RGS17: variants seen among roughly 807,000 people sequenced by gnomAD.
RGS17 encodes regulator of G protein signaling 17, also known as regulator of G-protein signaling 17.
RGS17 carries 12 observed loss-of-function variants against 25.5 expected under a neutral mutation model. The observed-to-expected ratio is 0.47, with a 90% confidence interval of 0.30 to 0.76. The LOEUF (loss-of-function observed/expected upper bound fraction) is 0.76. RGS17 is among the 30% of genes least tolerant of loss of function. The pLI is 0.07. For synonymous variants in RGS17, 71 were observed against 76.9 expected (o/e 0.92, Z 0.40); for missense variants, 196 against 242.2 (o/e 0.81, Z 1.27).
At chr6:153,084,418 C>T (rs1777025124) in intron 1 of RGS17, among the ~76,000 whole-genome samples, 4 of 152,072 alleles carry the variant, frequency 2.6e-5, no homozygotes, top group Admixed American at 2.6e-4. Context: ...ACATGGGGGT[C>T]ACTGCAACCA....
intron 1 of RGS17, among the ~76,000 whole-genome samples, chr6:153,120,955 C>A (rs779597110): frequency 6.6e-6 from 1 of 152,114 alleles, no homozygotes; most frequent in Non-Finnish European, 1.5e-5. Flanking sequence ...TAATCTCATG[C>A]TGCTGAGTTC....
intron 2 of RGS17, among the ~76,000 whole-genome samples, chr6:153,037,201 GAC>G (rs71017568): frequency 2.6e-3 from 75 of 29,246 alleles, no homozygotes; most frequent in African/African-American, 2.7e-3. Flanking sequence ...CACACACACA[GAC>G]ACACACACAC....
chr6:153,106,002 G>A (rs977303009), intron 1 of RGS17, among the ~76,000 whole-genome samples: 1 of 152,202 alleles, frequency 6.6e-6, no homozygotes, highest in African/African-American at 2.4e-5. Context: ...GTCCAGGCAA[G>A]AGGATGATGG....
intron 1 of RGS17, among the ~76,000 whole-genome samples, chr6:153,089,359 A>G (rs185358044): frequency 6.6e-6 from 1 of 152,160 alleles, no homozygotes; most frequent in Non-Finnish European, 1.5e-5. Context: ...GAACTCTAAG[A>G]GTTCATCTAG....
Position 153,007,001 on chromosome 6 carries a change from T to A in RGS17, c.*4573A>T, listed in dbSNP as rs185688231. 6.6e-6 allele frequency: 1 copy of A among 152,366 alleles called. No individual in the cohort carries two copies. Among genetic ancestry groups the A allele is most frequent in the African/African-American group, 2.4e-5 (1 of 41,588 alleles). 9.4% of individuals were successfully genotyped at this position (152,366 alleles called of 1,614,324 possible). The stretch of plus-strand genomic sequence containing the variant: ...ATAGGAAGAAAATCAGTTCCCAAAC[T>A]GGGACCTTCTATCACCTAGGGCAAC... On this transcript the variant is annotated 3_prime_UTR_variant, in exon 5 of 5. Coordinates refer to ENST00000206262, the MANE Select transcript of RGS17 (RefSeq NM_012419.5).
chr6:153,098,713 A>AAAAGTC (rs1777253974), intron 1 of RGS17, among the ~76,000 whole-genome samples: 1 of 152,318 alleles, frequency 6.6e-6, no homozygotes, highest in South Asian at 2.1e-4. Context: ...ACTCTGTTTT[A>AAAAGTC]AAAGTCAAAG....
chr6:153,026,862 A>G (rs774098099), intron 2 of RGS17, among the ~76,000 whole-genome samples: 5 of 152,130 alleles, frequency 3.3e-5, no homozygotes, highest in Non-Finnish European at 5.9e-5. Flanking sequence ...TATTATATAT[A>G]TATGTATATA....
intron 1 of RGS17, among the ~76,000 whole-genome samples, chr6:153,047,426 G>A (rs9397126): frequency 3.3e-5 from 5 of 152,012 alleles, no homozygotes; most frequent in Admixed American, 6.6e-5. Context: ...CTCAATGTCC[G>A]CATATTATTA....
intron 1 of RGS17, among the ~76,000 whole-genome samples, chr6:153,105,442 A>T (rs1246830922): frequency 1.3e-5 from 2 of 152,176 alleles, no homozygotes; most frequent in Non-Finnish European, 2.9e-5. Flanking sequence ...ACCAAAAATA[A>T]AATAAAATAA....
At chr6:153,113,060 C>T (rs1777495554) in intron 1 of RGS17, among the ~76,000 whole-genome samples, 1 of 152,154 alleles carries the variant, frequency 6.6e-6, no homozygotes. Context: ...GAATCAAATT[C>T]ACATATATCA....
chr6:153,112,063 C>T (rs1321886940), intron 1 of RGS17, among the ~76,000 whole-genome samples: 1 of 152,138 alleles, frequency 6.6e-6, no homozygotes, highest in East Asian at 1.9e-4. Flanking sequence ...AGCAAGGGAA[C>T]AAAACTGGAC....
intron 1 of RGS17, among the ~76,000 whole-genome samples, chr6:153,061,458 T>A (rs1176344136): frequency 2.0e-5 from 3 of 152,246 alleles, no homozygotes; most frequent in East Asian, 3.9e-4. Context: ...AATATTTCAA[T>A]ACACGTAAAG....
At chr6:153,035,816 G>C (rs1030532896) in intron 2 of RGS17, among the ~76,000 whole-genome samples, 1 of 152,180 alleles carries the variant, frequency 6.6e-6, no homozygotes, top group Non-Finnish European at 1.5e-5. Context: ...GGGTCTTAGA[G>C]TCTTCAAAGA....
rs1779063888 is a variant in RGS17, at chr6:153,005,350, G to A, written c.*6224C>T. 1.3e-5 allele frequency: 2 copies of A among 152,098 alleles called. No homozygotes were observed. Among genetic ancestry groups the A allele is most frequent in the South Asian group, 2.1e-4 (1 of 4,828 alleles). The allele number at this position is 152,098 out of a possible 1,614,324, so 9.4% of individuals were successfully genotyped here. On this transcript the variant is annotated 3_prime_UTR_variant, in exon 5 of 5. Coordinates refer to ENST00000206262, the MANE Select transcript of RGS17 (RefSeq NM_012419.5). ...TCCACTTCACTGTATTTTCTTTATA[G>A]CATTTATTAGTAATCACTTAGTGGA...
chr6:153,090,958 C>A (rs1291360522), intron 1 of RGS17, among the ~76,000 whole-genome samples: 1 of 151,806 alleles, frequency 6.6e-6, no homozygotes, highest in Non-Finnish European at 1.5e-5. Flanking sequence ...TGGCTTATGC[C>A]CTACAATAAG....
intron 1 of RGS17, among the ~76,000 whole-genome samples, chr6:153,071,802 T>C: frequency 6.6e-6 from 1 of 152,180 alleles, no homozygotes; most frequent in Middle Eastern, 3.2e-3. Context: ...TTGTTAGGGA[T>C]AATCTATTTT....
chr6:153,079,465 T>C (rs1192935625), intron 1 of RGS17, among the ~76,000 whole-genome samples: 2 of 152,266 alleles, frequency 1.3e-5, no homozygotes, highest in Non-Finnish European at 2.9e-5. Context: ...TCATAAATGC[T>C]AACAGATTGT....
intron 1 of RGS17, among the ~76,000 whole-genome samples, chr6:153,054,001 C>CGTATATATGT: frequency 3.3e-5 from 1 of 30,234 alleles, no homozygotes; most frequent in Middle Eastern, 0.015. Context: ...AATATATATA[C>CGTATATATGT]ATATATACGT....
At chr6:153,092,411 G>A (rs919532517) in intron 1 of RGS17, among the ~76,000 whole-genome samples, 1 of 152,152 alleles carries the variant, frequency 6.6e-6, no homozygotes, top group African/African-American at 2.4e-5. Flanking sequence ...TTACCAATAT[G>A]TTTCATGAAG....
Sources: allele counts gnomAD v4.1 joint callset (sites outside exome capture counted in the v4.1 genomes callset), GRCh38; gene constraint gnomAD v4.1.1; transcripts MANE v1.5; gene names NCBI Gene and HGNC (gene_info 2026-07-23, HGNC 2026-07-21).